Variants in CEP63 observed in about 807,000 individuals in gnomAD.
CEP63 encodes the protein centrosomal protein 63.
A neutral mutation model predicts 89.1 loss-of-function variants in CEP63; 84 were observed. The ratio of observed to expected loss-of-function variants is 0.94; its 90% confidence interval spans 0.79 to 1.13. CEP63 has a LOEUF of 1.13. CEP63 is among the 50% of genes most tolerant of loss of function. CEP63 has a pLI of 0.00. For missense variants in CEP63, 838 were observed against 813.3 expected (o/e 1.03, Z -0.37); for synonymous variants, 267 against 272.5 (o/e 0.98, Z 0.20).
At chr3:134,533,879 T>G (rs757191152) in intron 5 of CEP63, among the ~76,000 whole-genome samples, 11 of 152,182 alleles carry the variant, frequency 7.2e-5, no homozygotes, top group Non-Finnish European at 1.3e-4. Flanking sequence ...TGTTTAATAT[T>G]CCTTTATATC....
the CEP63 span, among the ~76,000 whole-genome samples, chr3:134,726,325 G>A: frequency 2.6e-5 from 4 of 152,136 alleles, no homozygotes; most frequent in Non-Finnish European, 5.9e-5. Context: ...CATTAGTAAA[G>A]GCCCGGCTTT....
chr3:134,583,079 G>A (rs570290646), intron 10 of CEP63, among the ~76,000 whole-genome samples: 7 of 152,000 alleles, frequency 4.6e-5, no homozygotes, highest in Non-Finnish European at 1.0e-4. Context: ...CTGGATATTA[G>A]CCCTTTGTCA....
At chr3:134,538,533 G>GTGTATATA (rs1553770392) in intron 6 of CEP63, among the ~76,000 whole-genome samples, 12 of 101,364 alleles carry the variant, frequency 1.2e-4, no homozygotes, top group East Asian at 8.2e-4. Context: ...GTGTGTGTGT[G>GTGTATATA]TATATATATA....
chr3:134,591,891 A>AAAAATAAAAT (rs10630392), downstream of CEP63, among the ~76,000 whole-genome samples: 1 of 150,828 alleles, frequency 6.6e-6, no homozygotes, highest in East Asian at 2.0e-4. Context: ...TGTCCCCCCA[A>AAAAATAAAAT]AAAATAAAAT....
intron 2 of CEP63, among the ~76,000 whole-genome samples, chr3:134,505,251 G>A (rs1020296463): frequency 1.3e-5 from 2 of 151,972 alleles, no homozygotes; most frequent in African/African-American, 4.8e-5. Flanking sequence ...CCAATTATAT[G>A]GATTGGCTTT....
At chr3:134,620,386 C>A in the CEP63 span, among the ~76,000 whole-genome samples, 3 of 152,320 alleles carry the variant, frequency 2.0e-5, no homozygotes, top group East Asian at 5.8e-4. Context: ...AACTTCTCCC[C>A]ACCAATGGTA....
chr3:134,504,878 G>A (rs905882323), intron 2 of CEP63, among the ~76,000 whole-genome samples: 33 of 151,986 alleles, frequency 2.2e-4, no homozygotes, highest in African/African-American at 7.2e-4. Context: ...AGAAATTCTC[G>A]TACTTGTTTT....
chr3:134,768,498 C>G, the CEP63 span, among the ~76,000 whole-genome samples: 2 of 152,196 alleles, frequency 1.3e-5, no homozygotes, highest in Non-Finnish European at 2.9e-5. Flanking sequence ...ATGCCAGAAG[C>G]ACTGAGAACC....
At chr3:134,668,908 G>T in the CEP63 span, among the ~76,000 whole-genome samples, 3 of 152,202 alleles carry the variant, frequency 2.0e-5, no homozygotes, top group African/African-American at 7.2e-5. Context: ...CAAAGAACTC[G>T]TCTTATATTT....
chr3:134,488,336 G>A (rs762281798), intron 1 of CEP63, among the ~76,000 whole-genome samples: 1 of 152,136 alleles, frequency 6.6e-6, no homozygotes, highest in African/African-American at 2.4e-5. Flanking sequence ...GTGGTTGGCC[G>A]GGCGCGGTGA....
At chr3:134,604,484 GAA>G in the CEP63 span, 3 of 1,595,066 alleles carry the variant, frequency 1.9e-6, no homozygotes, top group Non-Finnish European at 2.6e-6. Flanking sequence ...ACTGAGGAGA[GAA>G]AGTCAGGGTC....
At position 134,499,476 on chromosome 3, in the gene CEP63, A is replaced by T. The variant is rs1169635385; in HGVS notation, c.44+4112A>T. On this transcript the variant is annotated intron_variant, in intron 2 of 14. Coordinates refer to ENST00000675561, the MANE Select transcript of CEP63 (RefSeq NM_001353108.3). ...AAAAAACCAACTTTTTGTTTCATTG[A>T]TTCTTTGTATTGTTTTTTAGTCTCT... is the stretch of plus-strand genomic sequence containing the variant. Among the ~76,000 whole-genome samples, 4 of 151,656 alleles carry T rather than the reference A, an allele frequency of 2.6e-5. No homozygotes were observed. The East Asian group carries it at 7.7e-4, about 29-fold the overall frequency.
intron 7 of CEP63, 91 bp from the exon 8 acceptor site, chr3:134,546,058 T>C: frequency 7.2e-7 from 1 of 1,395,832 alleles, no homozygotes; most frequent in African/African-American, 1.5e-5. Flanking sequence ...AAAATTGTAA[T>C]AATAGCTGGC....
At chr3:134,644,458 C>A in the CEP63 span, among the ~76,000 whole-genome samples, 1 of 152,164 alleles carries the variant, frequency 6.6e-6, no homozygotes, top group South Asian at 2.1e-4. Flanking sequence ...CTGAAGCTGC[C>A]CTTGAACCTC....
At chr3:134,540,854 G>A (rs1043355238) in intron 6 of CEP63, among the ~76,000 whole-genome samples, 1 of 149,804 alleles carries the variant, frequency 6.7e-6, no homozygotes, top group East Asian at 2.0e-4. Context: ...GCCTGATCTC[G>A]GCTGACTGCA....
intron 5 of CEP63, chr3:134,536,921 T>G (rs565589413): frequency 4.0e-6 from 2 of 498,814 alleles, no homozygotes; most frequent in South Asian, 4.0e-5. Flanking sequence ...CGTGTCATAC[T>G]CCTCACCATC....
chr3:134,744,189 C>T, the CEP63 span, among the ~76,000 whole-genome samples: 1 of 152,114 alleles, frequency 6.6e-6, no homozygotes, highest in African/African-American at 2.4e-5. Flanking sequence ...ATTGTCCAGA[C>T]TGATGTCAAA....
At chr3:134,634,822 G>T in the CEP63 span, among the ~76,000 whole-genome samples, 1 of 152,176 alleles carries the variant, frequency 6.6e-6, no homozygotes, top group African/African-American at 2.4e-5. Flanking sequence ...GCCCACATTT[G>T]GTTATATGTG....
chr3:134,523,594 A>G (rs530375566), intron 3 of CEP63, among the ~76,000 whole-genome samples: 138 of 152,196 alleles, frequency 9.1e-4, no homozygotes, highest in Non-Finnish European at 1.5e-3. Flanking sequence ...TCCAGTTGCA[A>G]TCTTCTGCAT....
Sources: allele counts gnomAD v4.1 joint callset (sites outside exome capture counted in the v4.1 genomes callset), GRCh38; gene constraint gnomAD v4.1.1; transcripts MANE v1.5; gene names NCBI Gene and HGNC (gene_info 2026-07-23, HGNC 2026-07-21).